The following ROBO2 variants were observed in gnomAD, a reference collection of about 807,000 sequenced individuals.
The protein encoded by ROBO2 is roundabout homolog 2.
A neutral mutation model predicts 160.8 loss-of-function variants in ROBO2; 53 were observed. That is an observed-to-expected ratio of 0.33 (90% CI 0.26 to 0.41). The LOEUF (loss-of-function observed/expected upper bound fraction) is 0.41, where lower values mean the gene tolerates loss of function less well. Among genes scored for constraint, ROBO2 ranks in the 10% least tolerant of loss-of-function variants. ROBO2 has a pLI of 1.00. For synonymous variants in ROBO2, 664 were observed against 611.7 expected (o/e 1.09, Z -1.26); for missense variants, 1,577 against 1,722.4 (o/e 0.92, Z 1.49).
intron 2 of ROBO2, among the ~76,000 whole-genome samples, chr3:77,264,789 G>A (rs2059020666): frequency 6.6e-6 from 1 of 152,014 alleles, no homozygotes; most frequent in South Asian, 2.1e-4. Context: ...ATTCTTCTTA[G>A]TCATTGCTGC....
intron 2 of ROBO2, among the ~76,000 whole-genome samples, chr3:76,415,746 C>A (rs899780188): frequency 6.6e-6 from 1 of 152,070 alleles, no homozygotes; most frequent in Admixed American, 6.5e-5. Context: ...AGATGATCAA[C>A]CTGTCATCTT....
chr3:76,298,893 C>T (rs1304298490), intron 2 of ROBO2, among the ~76,000 whole-genome samples: 2 of 152,168 alleles, frequency 1.3e-5, no homozygotes, highest in Non-Finnish European at 1.5e-5. Flanking sequence ...TCTGGTTTCA[C>T]TATTATTGTG....
At chr3:76,728,710 C>T (rs1370899351) in intron 2 of ROBO2, among the ~76,000 whole-genome samples, 1 of 152,194 alleles carries the variant, frequency 6.6e-6, no homozygotes, top group East Asian at 1.9e-4. Context: ...AACCTACAGT[C>T]CAGTCACCCT....
intron 21 of ROBO2, among the ~76,000 whole-genome samples, chr3:77,608,911 A>T (rs2094574765): frequency 6.6e-6 from 1 of 150,742 alleles, no homozygotes. Flanking sequence ...TCACATATAC[A>T]TGTTTATAAA....
intron 2 of ROBO2, among the ~76,000 whole-genome samples, chr3:76,441,321 T>A (rs2076917515): frequency 6.6e-6 from 1 of 152,216 alleles, no homozygotes; most frequent in Non-Finnish European, 1.5e-5. Flanking sequence ...GAATAATATA[T>A]GTCAGTACTT....
chr3:76,537,720 T>C (rs2082587333), intron 2 of ROBO2, among the ~76,000 whole-genome samples: 1 of 152,120 alleles, frequency 6.6e-6, no homozygotes, highest in Admixed American at 6.5e-5. Flanking sequence ...ACAGGCTTTG[T>C]GTGAGCAACA....
chr3:77,306,555 C>A (rs1015508345), intron 2 of ROBO2, among the ~76,000 whole-genome samples: 2 of 152,050 alleles, frequency 1.3e-5, no homozygotes, highest in African/African-American at 2.4e-5. Flanking sequence ...TCCTGTGTGA[C>A]CCTGTCTTAA....
chr3:75,980,339 A>G (rs1464472224), intron 2 of ROBO2, among the ~76,000 whole-genome samples: 1 of 151,564 alleles, frequency 6.6e-6, no homozygotes, highest in African/African-American at 2.4e-5. Flanking sequence ...TGATCCAACA[A>G]TCACTTATTC....
At chr3:76,671,236 ATAT>A (rs2092251892) in intron 2 of ROBO2, among the ~76,000 whole-genome samples, 2 of 152,152 alleles carry the variant, frequency 1.3e-5, no homozygotes, top group Admixed American at 1.3e-4. Context: ...GGAAGACATT[ATAT>A]TAGACATATA....
At chr3:76,663,696 A>G (rs1267790947) in intron 2 of ROBO2, among the ~76,000 whole-genome samples, 1 of 152,162 alleles carries the variant, frequency 6.6e-6, no homozygotes, top group Non-Finnish European at 1.5e-5. Context: ...TGGAAGTGGA[A>G]TTTGAGCTCA....
chr3:76,686,795 A>C (rs1042157780), intron 2 of ROBO2, among the ~76,000 whole-genome samples: 1 of 152,104 alleles, frequency 6.6e-6, no homozygotes, highest in Non-Finnish European at 1.5e-5. Context: ...CCCCCATCTC[A>C]AAAAAGAAAA....
chr3:76,213,010 C>G (rs879749660), intron 2 of ROBO2, among the ~76,000 whole-genome samples: 2 of 152,144 alleles, frequency 1.3e-5, no homozygotes, highest in Non-Finnish European at 1.5e-5. Flanking sequence ...TAAACACTAT[C>G]TCTTTAGCCA....
chr3:76,463,893 C>G (rs1335279409), intron 2 of ROBO2, among the ~76,000 whole-genome samples: 1 of 152,196 alleles, frequency 6.6e-6, no homozygotes, highest in Admixed American at 6.6e-5. Context: ...GCCTGTTCAA[C>G]TTAACTCTGC....
At chr3:77,149,518 G>A (rs991417569) in intron 2 of ROBO2, among the ~76,000 whole-genome samples, 1 of 152,134 alleles carries the variant, frequency 6.6e-6, no homozygotes, top group Non-Finnish European at 1.5e-5. Flanking sequence ...CATTTGTCAC[G>A]AGTTCAGTAC....
chr3:76,202,882 G>C (rs1308542973), intron 2 of ROBO2, among the ~76,000 whole-genome samples: 1 of 151,400 alleles, frequency 6.6e-6, no homozygotes, highest in Admixed American at 6.6e-5. Context: ...TTGATCTACT[G>C]TCTCTGATAT....
intron 2 of ROBO2, among the ~76,000 whole-genome samples, chr3:77,138,020 A>G (rs2076413130): frequency 6.6e-6 from 1 of 152,108 alleles, no homozygotes; most frequent in African/African-American, 2.4e-5. Context: ...GATTGCTCTG[A>G]CACTCGTTTG....
At chr3:76,217,637 A>C (rs962288238) in intron 2 of ROBO2, among the ~76,000 whole-genome samples, 3 of 152,130 alleles carry the variant, frequency 2.0e-5, no homozygotes, top group South Asian at 4.1e-4. Context: ...TCTGAATAGA[A>C]CAATAACAGG....
At chr3:76,920,790 G>T (rs2076606141) in intron 2 of ROBO2, among the ~76,000 whole-genome samples, 1 of 152,156 alleles carries the variant, frequency 6.6e-6, no homozygotes, top group Admixed American at 6.5e-5. Flanking sequence ...GAGGCAAAGT[G>T]ATACAAAATA....
chr3:76,995,648 T>A (rs2060955347), intron 2 of ROBO2, among the ~76,000 whole-genome samples: 1 of 152,198 alleles, frequency 6.6e-6, no homozygotes, highest in East Asian at 1.9e-4. Flanking sequence ...CCATTCTAAC[T>A]GGTATGAGAT....
Sources: allele counts gnomAD v4.1 joint callset (sites outside exome capture counted in the v4.1 genomes callset), GRCh38; gene constraint gnomAD v4.1.1; transcripts MANE v1.5; gene names NCBI Gene and HGNC (gene_info 2026-07-23, HGNC 2026-07-21).